The following PRKAG2 variants were observed in gnomAD, a reference collection of about 807,000 sequenced individuals.
PRKAG2 encodes the protein 5'-AMP-activated protein kinase subunit gamma-2.
A neutral mutation model predicts 69.6 loss-of-function variants in PRKAG2; 26 were observed. The ratio of observed to expected loss-of-function variants is 0.37; its 90% CI spans 0.27 to 0.52. The LOEUF is 0.52. Among genes scored for constraint, PRKAG2 ranks in the 20% least tolerant of loss-of-function variants. PRKAG2 has a pLI of 0.90. For synonymous variants in PRKAG2, 293 were observed against 285.0 expected (o/e 1.03, Z -0.28); for missense variants, 557 against 740.0 (o/e 0.75, Z 2.87).
intron 5 of PRKAG2, among the ~76,000 whole-genome samples, chr7:151,596,006 C>A (rs1046437212): frequency 6.6e-6 from 1 of 150,530 alleles, no homozygotes; most frequent in Non-Finnish European, 1.5e-5. Flanking sequence ...CCAGTTTCTA[C>A]AAAACTAATA....
intron 11 of PRKAG2, 66 bp downstream of exon 11, chr7:151,568,650 T>G: frequency 1.3e-6 from 2 of 1,567,422 alleles, no homozygotes; most frequent in Non-Finnish European, 1.8e-6. Flanking sequence ...GGAGCCAATT[T>G]ACTTGAAGTA....
intron 4 of PRKAG2, among the ~76,000 whole-genome samples, chr7:151,651,244 G>A (rs1397603103): frequency 6.6e-6 from 1 of 152,212 alleles, no homozygotes; most frequent in African/African-American, 2.4e-5. Context: ...ATTAGTCAGT[G>A]AGCCAATATT....
intron 3 of PRKAG2, among the ~76,000 whole-genome samples, chr7:151,773,018 A>AG (rs1491280895): frequency 3.7e-4 from 7 of 18,974 alleles, no homozygotes; most frequent in African/African-American, 2.7e-3. Flanking sequence ...AGAAAGAAAG[A>AG]AAGAAAGAGA....
intron 3 of PRKAG2, among the ~76,000 whole-genome samples, chr7:151,737,339 T>A: frequency 1.0e-5 from 1 of 99,552 alleles, no homozygotes. Flanking sequence ...GACCCCCATC[T>A]CTATTAAAAA....
At chr7:151,714,083 G>A (rs1563502184) in intron 3 of PRKAG2, among the ~76,000 whole-genome samples, 2 of 152,058 alleles carry the variant, frequency 1.3e-5, no homozygotes, top group Non-Finnish European at 2.9e-5. Context: ...CTCGGGCTGG[G>A]GTCCCAGCCC....
intron 1 of PRKAG2, among the ~76,000 whole-genome samples, chr7:151,861,219 G>A (rs191511477): frequency 2.0e-4 from 31 of 152,238 alleles, no homozygotes; most frequent in African/African-American, 7.2e-4. Flanking sequence ...AGGAAATCTC[G>A]TTCAAATTAC....
chr7:151,672,332 T>C (rs1365540601), intron 4 of PRKAG2, among the ~76,000 whole-genome samples: 1 of 151,926 alleles, frequency 6.6e-6, no homozygotes, highest in Non-Finnish European at 1.5e-5. Context: ...CGATCTCTCG[T>C]GATCCACCCA....
At chr7:151,856,317 T>C (rs1018570637) in intron 1 of PRKAG2, among the ~76,000 whole-genome samples, 1 of 152,214 alleles carries the variant, frequency 6.6e-6, no homozygotes, top group Non-Finnish European at 1.5e-5. Context: ...CCCGTGGCGA[T>C]CTTTCCAAGG....
chr7:151,664,442 T>C (rs1015790672), intron 4 of PRKAG2, among the ~76,000 whole-genome samples: 2 of 152,132 alleles, frequency 1.3e-5, no homozygotes, highest in African/African-American at 4.8e-5. Flanking sequence ...CCTCCCTGCC[T>C]GGGTCCCCCT....
intron 15 of PRKAG2, chr7:151,559,185 A>T: frequency 1.0e-6 from 1 of 980,562 alleles, no homozygotes; most frequent in Non-Finnish European, 1.2e-6. Context: ...CCCTCTGTTC[A>T]ATGTTGCCTG....
intron 5 of PRKAG2, among the ~76,000 whole-genome samples, chr7:151,627,084 A>T (rs1823131534): frequency 6.6e-6 from 1 of 152,214 alleles, no homozygotes; most frequent in Non-Finnish European, 1.5e-5. Flanking sequence ...GAGAAAAAGC[A>T]AAAGATCACC....
chr7:151,750,190 C>A (rs1367450081), intron 3 of PRKAG2, among the ~76,000 whole-genome samples: 19 of 151,738 alleles, frequency 1.3e-4, no homozygotes, highest in Admixed American at 1.2e-3. Context: ...TAAAACACTG[C>A]ACTGTGGAAA....
intron 6 of PRKAG2, among the ~76,000 whole-genome samples, chr7:151,588,797 A>C (rs1360339911): frequency 6.6e-6 from 1 of 152,184 alleles, no homozygotes; most frequent in Non-Finnish European, 1.5e-5. Context: ...CTGTGAGTCC[A>C]TTAAATCTCT....
intron 3 of PRKAG2, among the ~76,000 whole-genome samples, chr7:151,723,803 T>C (rs1267677299): frequency 9.2e-5 from 14 of 152,146 alleles, no homozygotes; most frequent in Admixed American, 9.2e-4. Context: ...CCCTGAGCCA[T>C]GATGCCTCCC....
At chr7:151,802,534 G>A (rs75903510) in intron 1 of PRKAG2, among the ~76,000 whole-genome samples, 7,408 of 145,868 alleles carry the variant, frequency 0.051, 210 homozygotes, top group South Asian at 0.094. Context: ...TACTCCCCAC[G>A]GCCCACCTGG....
chr7:151,596,852 C>T (rs1332796927), intron 5 of PRKAG2, among the ~76,000 whole-genome samples: 1 of 151,998 alleles, frequency 6.6e-6, no homozygotes, highest in Non-Finnish European at 1.5e-5. Flanking sequence ...AAAATGACCA[C>T]ACTATCCACT....
intron 1 of PRKAG2, among the ~76,000 whole-genome samples, chr7:151,827,769 A>AC (rs1473698832): frequency 2.7e-5 from 4 of 150,294 alleles, no homozygotes; most frequent in African/African-American, 9.8e-5. Context: ...AAAAAAAAAA[A>AC]AAAAACTGCC....
rs534613494 is a variant in PRKAG2, at chr7:151,764,737, G to A, written c.466+16415C>T. Among the ~76,000 whole-genome samples the A allele has an allele frequency of 1.9e-4, 29 of 152,388 alleles. No individual in the cohort carries two copies. In the South Asian group the frequency reaches 5.8e-3, roughly 30 times the overall value. On this transcript the variant is annotated intron_variant, in intron 3 of 15. Transcript: ENST00000287878. ...TGGGTCAGGGGCAGAGCCAGGAGGT[G>A]GGGGCAGTGTCAGGATGGTCAGGGT... is the stretch of plus-strand genomic sequence containing the variant.
In PRKAG2 at chr7:151,560,455, C is replaced by A. The variant is rs117104964; in HGVS notation, c.1678+69G>T. 1.7e-4 allele frequency: 277 copies of A among 1,612,946 alleles called. 1 individual carries two copies. In the East Asian group the frequency reaches 4.7e-3, roughly 28 times the overall value. The stretch of plus-strand genomic sequence containing the variant: ...GGGTGGAGAAATGATGGTTTAAATG[C>A]TGCACTTCCTGTTCTACCTCCCACC... On this transcript the variant is annotated intron_variant, in intron 15 of 15. Coordinates refer to ENST00000287878, the MANE Select transcript of PRKAG2 (RefSeq NM_016203.4).
Sources: allele counts gnomAD v4.1 joint callset (sites outside exome capture counted in the v4.1 genomes callset), GRCh38; gene constraint gnomAD v4.1.1; transcripts MANE v1.5; gene names NCBI Gene and HGNC (gene_info 2026-07-23, HGNC 2026-07-21).